PACRG: variants seen among roughly 807,000 people sequenced by gnomAD.
The protein encoded by PACRG is parkin coregulated, also known as parkin coregulated gene protein.
A neutral mutation model predicts 29.7 loss-of-function variants in PACRG; 29 were observed. The ratio of observed to expected loss-of-function variants is 0.98; its 90% confidence interval spans 0.73 to 1.33. PACRG has a LOEUF of 1.33. Among genes scored for constraint, PACRG ranks in the 40% most tolerant of loss-of-function variants. The pLI is 0.00. For synonymous variants in PACRG, 116 were observed against 118.7 expected (o/e 0.98, Z 0.15); for missense variants, 279 against 316.2 (o/e 0.88, Z 0.89).
At chr6:163,296,153 T>G (rs566735111) in intron 4 of PACRG, among the ~76,000 whole-genome samples, 2 of 152,284 alleles carry the variant, frequency 1.3e-5, no homozygotes, top group Non-Finnish European at 2.9e-5. Flanking sequence ...AAGCTCTAAT[T>G]TGCTATCTTA....
intron 3 of PACRG, among the ~76,000 whole-genome samples, chr6:163,063,086 C>T (rs1342719757): frequency 2.6e-5 from 4 of 152,134 alleles, no homozygotes; most frequent in African/African-American, 9.7e-5. Context: ...AGGGCTGGCC[C>T]CTCTCACCCT....
At chr6:162,979,600 A>G (rs1052270840) in intron 2 of PACRG, among the ~76,000 whole-genome samples, 2 of 152,114 alleles carry the variant, frequency 1.3e-5, no homozygotes, top group African/African-American at 4.8e-5. Flanking sequence ...ATCCTTGTCC[A>G]GACTATGTTG....
At chr6:162,963,123 G>T (rs1179363657) in intron 2 of PACRG, among the ~76,000 whole-genome samples, 1 of 152,136 alleles carries the variant, frequency 6.6e-6, no homozygotes, top group Non-Finnish European at 1.5e-5. Context: ...AGGAAGGCAA[G>T]GTTTTCCATA....
At chr6:163,100,712 G>A (rs1304766974) in intron 4 of PACRG, 1 of 862,484 alleles carries the variant, frequency 1.2e-6, no homozygotes, top group Admixed American at 6.2e-5. Context: ...TATGAAATCA[G>A]CTTTCCATTT....
At chr6:163,111,979 T>C (rs1815739550) in intron 4 of PACRG, 1 of 848,376 alleles carries the variant, frequency 1.2e-6, no homozygotes, top group South Asian at 5.4e-5. Context: ...TACACCCAAA[T>C]TTTATTTTCT....
At chr6:162,874,585 G>C (rs1793130071) in intron 2 of PACRG, among the ~76,000 whole-genome samples, 1 of 152,078 alleles carries the variant, frequency 6.6e-6, no homozygotes, top group African/African-American at 2.4e-5. Flanking sequence ...AAGGCTGTTT[G>C]CCTCTTTCCC....
At chr6:162,736,772 C>G (rs1439850834) in intron 1 of PACRG, among the ~76,000 whole-genome samples, 2 of 151,492 alleles carry the variant, frequency 1.3e-5, no homozygotes, top group Non-Finnish European at 2.9e-5. Context: ...ATATACCTAC[C>G]TGTATGTTTG....
intron 2 of PACRG, among the ~76,000 whole-genome samples, chr6:163,031,903 A>G (rs1242770553): frequency 6.6e-6 from 1 of 152,180 alleles, no homozygotes; most frequent in Admixed American, 6.5e-5. Flanking sequence ...AGTTTTCCAA[A>G]CAGCTTTTAT....
chr6:163,053,467 G>T (rs1462891567), intron 2 of PACRG, among the ~76,000 whole-genome samples: 3 of 152,056 alleles, frequency 2.0e-5, no homozygotes, highest in African/African-American at 4.8e-5. Context: ...TGTTGCCAGA[G>T]TTTTAAAAGT....
chr6:163,074,910 C>T (rs539032629), intron 3 of PACRG, among the ~76,000 whole-genome samples: 2 of 152,214 alleles, frequency 1.3e-5, no homozygotes, highest in East Asian at 3.9e-4. Flanking sequence ...GGGAGGATCG[C>T]ATGAGCCCAG....
At chr6:163,112,110 G>A in intron 4 of PACRG, 2 of 877,020 alleles carry the variant, frequency 2.3e-6, no homozygotes, top group African/African-American at 1.8e-5. Flanking sequence ...AGATGGTAGA[G>A]TAAAAAGCAC....
chr6:163,066,232 T>G (rs759661498), intron 3 of PACRG, among the ~76,000 whole-genome samples: 7 of 152,152 alleles, frequency 4.6e-5, no homozygotes, highest in African/African-American at 7.2e-5. Context: ...AGGCTAAGAT[T>G]TTTTGCAAGA....
At chr6:162,759,270 G>A (rs536508548) in intron 1 of PACRG, among the ~76,000 whole-genome samples, 1 of 152,316 alleles carries the variant, frequency 6.6e-6, no homozygotes, top group Admixed American at 6.5e-5. Flanking sequence ...GACTCACAGT[G>A]CCTTTCCAAT....
At chr6:163,300,528 T>C (rs1326384237) in intron 4 of PACRG, among the ~76,000 whole-genome samples, 1 of 152,204 alleles carries the variant, frequency 6.6e-6, no homozygotes, top group Non-Finnish European at 1.5e-5. Flanking sequence ...ATGCTGCCAA[T>C]GCCTCTTACT....
At chr6:162,958,934 G>T (rs895749274) in intron 2 of PACRG, among the ~76,000 whole-genome samples, 19 of 110,794 alleles carry the variant, frequency 1.7e-4, no homozygotes, top group African/African-American at 6.7e-4. Flanking sequence ...GAGAGAGAGA[G>T]AGAGATGAAA....
intron 2 of PACRG, among the ~76,000 whole-genome samples, chr6:162,953,089 C>A (rs1266576098): frequency 4.6e-5 from 7 of 151,972 alleles, no homozygotes; most frequent in Non-Finnish European, 1.0e-4. Context: ...TGTGGTGAAA[C>A]CTGGGAATTC....
At chr6:163,087,668 A>T (rs1355520046) in intron 3 of PACRG, among the ~76,000 whole-genome samples, 1 of 151,162 alleles carries the variant, frequency 6.6e-6, no homozygotes, top group Non-Finnish European at 1.5e-5. Flanking sequence ...AGAGGAGGTG[A>T]GGATGGAGGC....
At chr6:163,130,075 T>A in intron 4 of PACRG, among the ~76,000 whole-genome samples, 1 of 151,982 alleles carries the variant, frequency 6.6e-6, no homozygotes, top group Non-Finnish European at 1.5e-5. Flanking sequence ...AAAGGAGAAA[T>A]GGCAAAGGCA....
chr6:162,819,404 T>C (rs1339733735), intron 2 of PACRG, among the ~76,000 whole-genome samples: 1 of 152,238 alleles, frequency 6.6e-6, no homozygotes, highest in African/African-American at 2.4e-5. Context: ...TAAATAAATG[T>C]TGACATACAT....
Sources: gnomAD v4.1 joint callset for allele counts (sites outside exome capture counted in the v4.1 genomes callset) on GRCh38, gnomAD v4.1.1 for gene constraint, MANE v1.5 for transcripts, NCBI Gene and HGNC (gene_info 2026-07-23, HGNC 2026-07-21) for gene names.